The following IGSF3 variants were observed in gnomAD, a reference collection of about 807,000 sequenced individuals.
The protein encoded by IGSF3 is immunoglobulin superfamily member 3, also known as glu-Trp-Ile EWI motif-containing protein 3.
In IGSF3, 23 loss-of-function variants were observed where a neutral mutation model predicts 114.4. The ratio of observed to expected loss-of-function variants is 0.20; its 90% CI spans 0.14 to 0.28. IGSF3 has a LOEUF of 0.28. IGSF3 is among the 10% of genes least tolerant of loss of function. The pLI is 1.00. For missense variants in IGSF3, 1,172 were observed against 1,591.5 expected, an observed-to-expected ratio of 0.74 and a Z score of 4.48; for synonymous variants, 571 against 645.2, an observed-to-expected ratio of 0.88 and a Z score of 1.74.
intron 7 of IGSF3, among the ~76,000 whole-genome samples, chr1:116,597,570 T>A (rs988404809): frequency 6.6e-5 from 10 of 152,264 alleles, no homozygotes; most frequent in Admixed American, 4.6e-4. Flanking sequence ...AGTAGAGGCC[T>A]CTTAACAGCC....
chr1:116,606,746 T>C (rs1660808030), intron 5 of IGSF3, among the ~76,000 whole-genome samples: 1 of 152,124 alleles, frequency 6.6e-6, no homozygotes, highest in African/African-American at 2.4e-5. Context: ...GACAGGAAAA[T>C]AGTAAAGACA....
At position 116,648,385 on chromosome 1, in the gene IGSF3, G is replaced by T. The variant is rs1277592990; in HGVS notation, c.43+17899C>A. On this transcript the variant is annotated intron_variant, in intron 2 of 10. Transcript: ENST00000369486. The surrounding 1 kb of genome is among the most constrained non-coding windows in gnomAD (Gnocchi z 4.7). ...GTTAGAGAAGAAACAGGATGCACGG[G>T]AGATCACACACAGAGTAAGAGGTGC... Among the ~76,000 whole-genome samples, 1 of 152,128 alleles carries T rather than the reference G, an allele frequency of 6.6e-6. No homozygotes were observed. The highest frequency in any genetic ancestry group is 1.5e-5 in the Non-Finnish European group (1 of 68,018).
chr1:116,643,966 A>C (rs1351635298), intron 2 of IGSF3, among the ~76,000 whole-genome samples: 1 of 152,150 alleles, frequency 6.6e-6, no homozygotes, highest in African/African-American at 2.4e-5. Context: ...CCCTCCCCAA[A>C]CACGTGCACC....
In IGSF3 at chr1:116,589,019, A is replaced by G. The variant is rs150325164; in HGVS notation, c.2115T>C (p.Ser705=). Residue 705 remains serine, a synonymous_variant, in exon 8 of 11, where the codon TCT becomes TCC. Coordinates refer to ENST00000369486, the MANE Select transcript of IGSF3 (RefSeq NM_001007237.3). The surrounding 1 kb of genome is among the most constrained non-coding windows in gnomAD (Gnocchi z 5.7). ...CAAAGTGGGAGTTCTGGCTAGTCTG[A>G]GACTTGACTGAGCAGTTCAACTGAA... ...KPIQLNCSVK[S]QTSQNSHFAV... 21 of 1,614,108 alleles carry G rather than the reference A, an allele frequency of 1.3e-5. No homozygotes were observed. Among genetic ancestry groups the G allele is most frequent in the Non-Finnish European group, 1.6e-5 (19 of 1,180,044 alleles).
At chr1:116,635,993 A>T (rs1170337284) in intron 2 of IGSF3, among the ~76,000 whole-genome samples, 1 of 152,212 alleles carries the variant, frequency 6.6e-6, no homozygotes, top group East Asian at 1.9e-4. Context: ...GTAGGTGCCC[A>T]ATAAGTGTTT....
intron 2 of IGSF3, among the ~76,000 whole-genome samples, chr1:116,640,737 T>C (rs1403138156): frequency 6.6e-6 from 1 of 152,228 alleles, no homozygotes; most frequent in South Asian, 2.1e-4. Context: ...TTTATTGCAA[T>C]AAATATTCTT....
intron 5 of IGSF3, among the ~76,000 whole-genome samples, chr1:116,604,679 T>A (rs865807865): frequency 6.6e-6 from 1 of 152,196 alleles, no homozygotes; most frequent in Non-Finnish European, 1.5e-5. Context: ...CAGCTCGTCA[T>A]CCACCACTCT....
chr1:116,602,791 G>T (rs2101442909), intron 6 of IGSF3, among the ~76,000 whole-genome samples: 1 of 152,344 alleles, frequency 6.6e-6, no homozygotes, highest in South Asian at 2.1e-4. Flanking sequence ...TTCTTTCCCA[G>T]CAAAGTCACA....
At chr1:116,617,744 A>G (rs945244285) in intron 2 of IGSF3, among the ~76,000 whole-genome samples, 4 of 152,194 alleles carry the variant, frequency 2.6e-5, no homozygotes, top group African/African-American at 7.2e-5. Context: ...CTAGCCCACA[A>G]TCAGTCCTCA....
Position 116,614,051 on chromosome 1 carries a change from G to A in IGSF3, c.546C>T (p.Ala182=), listed in dbSNP as rs139461032. 97 of 1,614,178 alleles carry A rather than the reference G, an allele frequency of 6.0e-5. No homozygotes were observed. In the African/African-American group the frequency reaches 1.1e-3, roughly 18 times the overall value. ...TCTCGCCAACTTTCTGCCGGAGCCA[G>A]GCCACAGACAGGTGGCTGTGCTGAA... is the stretch of plus-strand genomic sequence containing the variant. ...ETIQHSHLSV[A]WLRQKVGEKP... Residue 182 remains alanine, a synonymous_variant, in exon 4 of 11, where the codon GCC becomes GCT. Coordinates refer to ENST00000369486, the MANE Select transcript of IGSF3 (RefSeq NM_001007237.3). This position sits in a 1 kb window ranked among gnomAD's most constrained non-coding sequence, Gnocchi z 4.5.
chr1:116,579,965 T>C lies in IGSF3; in HGVS notation c.2849-88A>G. On this transcript the variant is annotated intron_variant, in intron 9 of 10. Transcript: ENST00000369486. This position sits in a 1 kb window ranked among gnomAD's most constrained non-coding sequence, Gnocchi z 6.4. ...TAAATGTCCATCATTAAACACATGATAGTAACATCCATACTATAAGATATT... is the reference window on the plus strand; with the variant it reads ...TAAATGTCCATCATTAAACACATGACAGTAACATCCATACTATAAGATATT... 1 of 1,145,364 alleles carries C rather than the reference T, an allele frequency of 8.7e-7. No individual in the cohort carries two copies. Among genetic ancestry groups the C allele is most frequent in the Non-Finnish European group, 1.2e-6 (1 of 824,028 alleles). The allele number at this position is 1,145,364 out of a possible 1,614,324, so 71.0% of individuals were successfully genotyped here. A position where few individuals can be genotyped will look rare whatever the true frequency, so the allele number is the denominator to read the frequency against.
In IGSF3 at chr1:116,600,772, A is replaced by G. The variant is rs898115490; in HGVS notation, c.1625-427T>C. 2.0e-5 allele frequency among the ~76,000 whole-genome samples: 3 copies of G among 152,012 alleles called. No individual in the cohort carries two copies. The highest frequency in any genetic ancestry group is 7.2e-5 in the African/African-American group (3 of 41,396). On this transcript the variant is annotated intron_variant, in intron 6 of 10. Transcript: ENST00000369486. The surrounding 1 kb of genome is among the most constrained non-coding windows in gnomAD (Gnocchi z 5.5). ...GAAAACACAACCACACAGCCCCAAC[A>G]CCACTTTTCCTGGTCCCTTAGCGCA... is the stretch of plus-strand genomic sequence containing the variant.
chr1:116,600,035 A>G lies in IGSF3; in HGVS notation c.1935T>C (p.Cys645=), dbSNP rs762116591. 1.2e-4 allele frequency: 186 copies of G among 1,613,970 alleles called. No individual in the cohort carries two copies. The highest frequency in any genetic ancestry group is 1.5e-4 in the Non-Finnish European group (175 of 1,180,014). ...ASDTEAGKYQ[C]VAELWRKNYN... ...AGTTCTTCCGCCACAGCTCTGCCACACACTGGTACTTGCCTGCTTCCGTGT... is the reference window on the plus strand; with the variant it reads ...AGTTCTTCCGCCACAGCTCTGCCACGCACTGGTACTTGCCTGCTTCCGTGT... Residue 645 remains cysteine (C), a synonymous_variant, in exon 7 of 11, where the codon TGT becomes TGC. Transcript: ENST00000369486. This position sits in a 1 kb window ranked among gnomAD's most constrained non-coding sequence, Gnocchi z 5.5.
At position 116,583,493 on chromosome 1, in the gene IGSF3, T is replaced by C. The variant is rs1302628596; in HGVS notation, c.2848+1152A>G. Among the ~76,000 whole-genome samples, 1 of 152,198 alleles carries C rather than the reference T, an allele frequency of 6.6e-6. No individual in the cohort carries two copies. The highest frequency in any genetic ancestry group is 1.5e-5 in the Non-Finnish European group (1 of 68,040). On this transcript the variant is annotated intron_variant, in intron 9 of 10. Coordinates refer to ENST00000369486, the MANE Select transcript of IGSF3 (RefSeq NM_001007237.3). The surrounding 1 kb of genome is among the most constrained non-coding windows in gnomAD (Gnocchi z 4.5). ...GCTGCAGTGCCTCCCTGAAGCATGTTCCATGACATAAGAGACCTGGCACCA... is the reference window on the plus strand; with the variant it reads ...GCTGCAGTGCCTCCCTGAAGCATGTCCCATGACATAAGAGACCTGGCACCA...
intron 2 of IGSF3, among the ~76,000 whole-genome samples, chr1:116,643,284 C>G (rs1223771412): frequency 6.6e-6 from 1 of 152,234 alleles, no homozygotes; most frequent in Non-Finnish European, 1.5e-5. Context: ...GCTCTTACCC[C>G]TCCCACGCCA....
chr1:116,666,202 GA>G, intron 2 of IGSF3, 81 bp downstream of exon 2: 2 of 1,357,562 alleles, frequency 1.5e-6, no homozygotes, highest in Non-Finnish European at 2.1e-6. Context: ...TAGTGTTGAT[GA>G]AAAAGAACCA....
At chr1:116,667,261 C>G (rs918540014) in intron 1 of IGSF3, among the ~76,000 whole-genome samples, 2 of 152,182 alleles carry the variant, frequency 1.3e-5, no homozygotes, top group Non-Finnish European at 2.9e-5. Context: ...CAGGGCAAAT[C>G]GGGAAGGGGC....
In IGSF3 at chr1:116,647,253, T is replaced by C. The variant is rs1297600423; in HGVS notation, c.43+19031A>G. Among the ~76,000 whole-genome samples the C allele has an allele frequency of 1.3e-5, 2 of 152,196 alleles. No individual in the cohort carries two copies. Among genetic ancestry groups the C allele is most frequent in the Non-Finnish European group, 1.5e-5 (1 of 68,042 alleles). ...CAGCGATGTCTGAGGCTGGCGTGAG[T>C]GCTCCATGCTCAGAGATACCTAGAA... On this transcript the variant is annotated intron_variant, in intron 2 of 10. Transcript: ENST00000369486. The surrounding 1 kb of genome is among the most constrained non-coding windows in gnomAD (Gnocchi z 4.6).
At chr1:116,640,671 C>A (rs1648049504) in intron 2 of IGSF3, among the ~76,000 whole-genome samples, 1 of 152,152 alleles carries the variant, frequency 6.6e-6, no homozygotes, top group African/African-American at 2.4e-5. Context: ...TAATCATTAT[C>A]TATAGCACAA....
Sources: gnomAD v4.1 joint callset for allele counts (sites outside exome capture counted in the v4.1 genomes callset) on GRCh38, gnomAD v4.1.1 for gene constraint, Gnocchi (gnomAD v3.1) non-coding constraint, MANE v1.5 for transcripts, NCBI Gene and HGNC (gene_info 2026-07-23, HGNC 2026-07-21) for gene names.